Variants in NALF1 observed in about 807,000 individuals in gnomAD.
The protein encoded by NALF1 is family with sequence similarity 155 member A.
Under a neutral mutation model 48.4 loss-of-function variants are expected in NALF1, and 3 were observed. That is an observed-to-expected ratio of 0.06 (90% CI 0.03 to 0.16). The LOEUF is 0.16. Among genes scored for constraint, NALF1 ranks in the 10% least tolerant of loss-of-function variants. NALF1 has a pLI of 1.00. For missense variants in NALF1, 526 were observed against 571.5 expected (o/e 0.92, Z 0.81); for synonymous variants, 262 against 245.7 (o/e 1.07, Z -0.62).
In NALF1 at chr13:107,866,023, C is replaced by G. The variant is rs368179057; in HGVS notation, c.574G>C (p.Ala192Pro). 3.1e-6 allele frequency: 5 copies of G among 1,611,890 alleles called. No individual in the cohort carries two copies. Among genetic ancestry groups the G allele is most frequent in the Admixed American group, 3.3e-5 (2 of 59,998 alleles). Residue 192 changes from alanine to proline, a missense_variant, in exon 1 of 3, where the codon GCC becomes CCC. Around this residue, in one of 2 missense-constraint regions of NALF1, gnomAD observed 373 missense variants for 355.5 expected, o/e 1.05. Coordinates refer to ENST00000375915, the MANE Select transcript of NALF1 (RefSeq NM_001080396.3). This position sits in a 1 kb window ranked among gnomAD's most constrained non-coding sequence, Gnocchi z 4.4. Reference sequence around the variant, plus strand: ...GCCGCCCCCCGACTCCAGTTCCTGGCGCACACCGCGTCCGCATTCTCCACC... The same window carrying G: ...GCCGCCCCCCGACTCCAGTTCCTGGGGCACACCGCGTCCGCATTCTCCACC... ...FTVENADAVC[A>P]RNWSRGAAGG...
intron 1 of NALF1, among the ~76,000 whole-genome samples, chr13:107,644,646 C>CATACAT (rs777789521): frequency 9.2e-6 from 1 of 108,246 alleles, no homozygotes; most frequent in African/African-American, 3.4e-5. Context: ...TACATACATA[C>CATACAT]ATATATATAT....
intron 1 of NALF1, among the ~76,000 whole-genome samples, chr13:107,389,265 A>G (rs957444130): frequency 3.9e-5 from 6 of 152,220 alleles, no homozygotes; most frequent in African/African-American, 1.4e-4. Flanking sequence ...GTGTCCCACA[A>G]AAAGATATGT....
chr13:107,605,831 AC>A (rs2138428037), intron 1 of NALF1, among the ~76,000 whole-genome samples: 1 of 152,288 alleles, frequency 6.6e-6, no homozygotes, highest in South Asian at 2.1e-4. Flanking sequence ...ATTTGTTGAA[AC>A]ATTTTCCAGC....
intron 1 of NALF1, among the ~76,000 whole-genome samples, chr13:107,714,620 C>T (rs75632896): frequency 0.19 from 3,794 of 19,490 alleles, 327 homozygotes; most frequent in East Asian, 0.57. Flanking sequence ...CAGAGTGAGG[C>T]TTTATTAAAA....
At chr13:107,768,782 C>G (rs1187655101) in intron 1 of NALF1, among the ~76,000 whole-genome samples, 2 of 152,012 alleles carry the variant, frequency 1.3e-5, no homozygotes, top group Non-Finnish European at 2.9e-5. Context: ...ATTTTCGCAA[C>G]CTACTCATCT....
At chr13:107,676,601 A>G (rs940350742) in intron 1 of NALF1, among the ~76,000 whole-genome samples, 2 of 101,434 alleles carry the variant, frequency 2.0e-5, no homozygotes, top group African/African-American at 8.5e-5. Context: ...AAATTAATTT[A>G]ATTTAATTAA....
chr13:107,343,111 T>G (rs1343322377), intron 1 of NALF1, among the ~76,000 whole-genome samples: 1 of 152,200 alleles, frequency 6.6e-6, no homozygotes, highest in African/African-American at 2.4e-5. Context: ...TCTCCCAGGA[T>G]AGATCACACA....
At chr13:107,706,648 T>C (rs1268327112) in intron 1 of NALF1, among the ~76,000 whole-genome samples, 5 of 152,178 alleles carry the variant, frequency 3.3e-5, no homozygotes, top group Admixed American at 1.3e-4. Context: ...AAATAAAAGA[T>C]TGGATTTTTT....
chr13:107,493,203 T>A lies in NALF1; in HGVS notation c.916-282448A>T, dbSNP rs75766994. Among the ~76,000 whole-genome samples the A allele has an allele frequency of 6.6e-3, 997 of 152,186 alleles. 34 individuals are homozygous for A. In the East Asian group the frequency reaches 0.1, roughly 16 times the overall value. On this transcript the variant is annotated intron_variant, in intron 1 of 2. Transcript: ENST00000375915. ...GAGATTTCTCAAAGCTGAGGCTCCG[T>A]GCTGCTGGATAAAGCAGAAATGGCA...
At position 107,164,030 on chromosome 13, in the gene NALF1, T is replaced by C. The variant is rs2138754685; in HGVS notation, c.*6467A>G. The C allele has an allele frequency of 6.6e-6, 1 of 152,330 alleles. No individual in the cohort carries two copies. Among genetic ancestry groups the C allele is most frequent in the Non-Finnish European group, 1.5e-5 (1 of 68,020 alleles). 9.4% of individuals were successfully genotyped at this position (152,330 alleles called of 1,614,324 possible). On this transcript the variant is annotated 3_prime_UTR_variant, in exon 3 of 3. Coordinates refer to ENST00000375915, the MANE Select transcript of NALF1 (RefSeq NM_001080396.3). Reference sequence around the variant, plus strand: ...GTAGAAAATGGCCATAAGTTGAAATTTGCGTTTCGGTAAAAATGACCTTCT... The same window carrying C: ...GTAGAAAATGGCCATAAGTTGAAATCTGCGTTTCGGTAAAAATGACCTTCT...
chr13:107,657,056 CA>C (rs1275305470), intron 1 of NALF1, among the ~76,000 whole-genome samples: 1 of 151,952 alleles, frequency 6.6e-6, no homozygotes, highest in Non-Finnish European at 1.5e-5. Flanking sequence ...AAAGACTACA[CA>C]TTGGGTACAA....
chr13:107,833,883 T>A (rs1284566811), intron 1 of NALF1, among the ~76,000 whole-genome samples: 2 of 152,118 alleles, frequency 1.3e-5, no homozygotes, highest in Non-Finnish European at 2.9e-5. Context: ...AGCTGTTTTT[T>A]TAATTTTTAA....
At position 107,694,516 on chromosome 13, in the gene NALF1, A is replaced by C. The variant is rs145247357; in HGVS notation, c.915+171166T>G. Among the ~76,000 whole-genome samples the C allele has an allele frequency of 7.4e-3, 1,122 of 152,226 alleles. 8 individuals are homozygous for C. Among genetic ancestry groups the C allele is most frequent in the Middle Eastern group, 0.031 (9 of 294 alleles). ...TATATTTTGTTTTACTTGGGGTGGG[A>C]GGTGGAGATCTGCATATAACAGAGA... is the stretch of plus-strand genomic sequence containing the variant. On this transcript the variant is annotated intron_variant, in intron 1 of 2. Coordinates refer to ENST00000375915, the MANE Select transcript of NALF1 (RefSeq NM_001080396.3).
At chr13:107,409,860 C>A (rs1883959731) in intron 1 of NALF1, among the ~76,000 whole-genome samples, 1 of 152,130 alleles carries the variant, frequency 6.6e-6, no homozygotes, top group South Asian at 2.1e-4. Context: ...CTACCCTTGC[C>A]CTCATCTCTT....
rs572249157 is a variant in NALF1 at position 107,368,421 on chromosome 13, A to G, written c.916-157666T>C. Among the ~76,000 whole-genome samples, 32 of 151,566 alleles carry G rather than the reference A, an allele frequency of 2.1e-4. No homozygotes were observed. In the East Asian group the frequency reaches 6.1e-3, roughly 29 times the overall value. On this transcript the variant is annotated intron_variant, in intron 1 of 2. Coordinates refer to ENST00000375915, the MANE Select transcript of NALF1 (RefSeq NM_001080396.3). ...AACCTCCTGCCTCAGCCTCCTGCGT[A>G]GCTGGGATTACAGATGTGCACCACC...
At chr13:107,175,724 T>G (rs1334522773) in intron 2 of NALF1, among the ~76,000 whole-genome samples, 1 of 152,154 alleles carries the variant, frequency 6.6e-6, no homozygotes, top group African/African-American at 2.4e-5. Flanking sequence ...CATAAGCAGA[T>G]CAATGACACC....
At chr13:107,689,747 T>C (rs1174879473) in intron 1 of NALF1, among the ~76,000 whole-genome samples, 1 of 152,208 alleles carries the variant, frequency 6.6e-6, no homozygotes, top group Non-Finnish European at 1.5e-5. Flanking sequence ...AGATTCTTGG[T>C]ATGTGTAAGT....
At chr13:107,503,626 A>G (rs1379513152) in intron 1 of NALF1, among the ~76,000 whole-genome samples, 1 of 152,144 alleles carries the variant, frequency 6.6e-6, no homozygotes, top group African/African-American at 2.4e-5. Flanking sequence ...TGAAATTACT[A>G]CCTTGTAAAG....
At chr13:107,528,116 T>G (rs1876504108) in intron 1 of NALF1, among the ~76,000 whole-genome samples, 1 of 152,242 alleles carries the variant, frequency 6.6e-6, no homozygotes, top group South Asian at 2.1e-4. Flanking sequence ...TAGTCAATTA[T>G]TTGGTAAAGA....
Sources: gnomAD v4.1 joint callset for allele counts (sites outside exome capture counted in the v4.1 genomes callset) on GRCh38, gnomAD v4.1.1 for gene constraint, gnomAD v4.1.1 regional missense constraint, Gnocchi (gnomAD v3.1) non-coding constraint, MANE v1.5 for transcripts, NCBI Gene and HGNC (gene_info 2026-07-23, HGNC 2026-07-21) for gene names.